Variants in GABRG3 observed in about 807,000 individuals in gnomAD.
GABRG3 encodes gamma-aminobutyric acid receptor subunit gamma-3.
GABRG3 carries 25 observed loss-of-function variants against 48.8 expected under a neutral mutation model. That is an observed-to-expected ratio of 0.51 (90% CI 0.37 to 0.72). The LOEUF (loss-of-function observed/expected upper bound fraction) is 0.72. Ranked by LOEUF, GABRG3 falls within the 30% of genes least tolerant of loss-of-function variation. GABRG3 has a pLI of 0.00. For synonymous variants in GABRG3, 227 were observed against 217.6 expected, an observed-to-expected ratio of 1.04 and a Z score of -0.38; for missense variants, 394 against 577.9, an observed-to-expected ratio of 0.68 and a Z score of 3.26.
At chr15:27,310,542 A>G (rs751651499) in intron 3 of GABRG3, among the ~76,000 whole-genome samples, 1 of 152,172 alleles carries the variant, frequency 6.6e-6, no homozygotes, top group Non-Finnish European at 1.5e-5. Flanking sequence ...AAACAAGACA[A>G]TTATCCATAA....
chr15:27,004,999 C>T (rs1895555026), intron 2 of GABRG3, among the ~76,000 whole-genome samples: 1 of 152,020 alleles, frequency 6.6e-6, no homozygotes, highest in Admixed American at 6.6e-5. Flanking sequence ...ACTGGAAAGG[C>T]AAGAATAGCT....
chr15:27,164,662 A>C (rs1295983140), intron 3 of GABRG3, among the ~76,000 whole-genome samples: 1 of 152,244 alleles, frequency 6.6e-6, no homozygotes, highest in Non-Finnish European at 1.5e-5. Context: ...CAGGGCAGTT[A>C]TCTGTTAGAC....
intron 3 of GABRG3, among the ~76,000 whole-genome samples, chr15:27,060,411 G>A (rs2140722028): frequency 6.6e-6 from 1 of 152,336 alleles, no homozygotes; most frequent in East Asian, 1.9e-4. Context: ...GAAACTGCTG[G>A]TGGCCCCACA....
At chr15:27,235,136 TTTTGTTTTGTCTTAAAAGC>T (rs1407125425) in intron 3 of GABRG3, among the ~76,000 whole-genome samples, 1 of 151,594 alleles carries the variant, frequency 6.6e-6, no homozygotes, top group Non-Finnish European at 1.5e-5. Flanking sequence ...ATGTCCTAGA[TTTTGTTTTGTCTTAAAAGC>T]TTGTTAAAAA....
Position 27,486,462 on chromosome 15 carries a change from A to G in GABRG3, c.712+5675A>G, listed in dbSNP as rs114628343. ...TTCTGTAAGTAATTCTCCAAACTCA[A>G]AAAAAGTATTCTATATATGAAGTTT... On this transcript the variant is annotated intron_variant, in intron 6 of 9. Transcript: ENST00000615808. 3.2e-3 allele frequency among the ~76,000 whole-genome samples: 487 copies of G among 152,350 alleles called. 6 individuals are homozygous for G. The highest frequency in any genetic ancestry group is 0.011 in the African/African-American group (470 of 41,584).
At chr15:27,024,348 T>C (rs1191807931) in intron 2 of GABRG3, among the ~76,000 whole-genome samples, 1 of 152,236 alleles carries the variant, frequency 6.6e-6, no homozygotes, top group Non-Finnish European at 1.5e-5. Context: ...TTGCCTGATG[T>C]TCTGGTGTTA....
At chr15:27,157,734 A>G (rs1390373961) in intron 3 of GABRG3, 1 of 152,240 alleles carries the variant, frequency 6.6e-6, no homozygotes, top group Non-Finnish European at 1.5e-5. Flanking sequence ...ATATCAACGC[A>G]TAAGTGCTCA....
chr15:27,309,757 C>T (rs1471567283), intron 3 of GABRG3, among the ~76,000 whole-genome samples: 1 of 152,050 alleles, frequency 6.6e-6, no homozygotes, highest in Non-Finnish European at 1.5e-5. Flanking sequence ...AACAGTTTGA[C>T]AGTTTCTTAT....
At chr15:27,187,099 A>G (rs1888121954) in intron 3 of GABRG3, among the ~76,000 whole-genome samples, 1 of 152,154 alleles carries the variant, frequency 6.6e-6, no homozygotes, top group African/African-American at 2.4e-5. Context: ...ATTTTTATAT[A>G]TGGTGATAAA....
intron 2 of GABRG3, 39 bp from the exon 3 acceptor site, chr15:27,026,715 C>T (rs370014295): frequency 1.5e-5 from 23 of 1,499,310 alleles, no homozygotes; most frequent in South Asian, 4.8e-5. Context: ...TGTCTTTCTC[C>T]GGCACGAAGT....
At chr15:27,475,894 G>C (rs918063435) in intron 5 of GABRG3, among the ~76,000 whole-genome samples, 1 of 152,048 alleles carries the variant, frequency 6.6e-6, no homozygotes, top group African/African-American at 2.4e-5. Context: ...ATAGTGATGT[G>C]GTGGTGGTGA....
chr15:26,971,599 C>T lies in GABRG3; in HGVS notation c.53+11C>T, dbSNP rs2288694. Reference sequence around the variant, plus strand: ...GGGCTTGCACGCGCGGTAAGTGGCGCGGGGGCCGCATCCCCGGAGGCCCCG... The same window carrying T: ...GGGCTTGCACGCGCGGTAAGTGGCGTGGGGGCCGCATCCCCGGAGGCCCCG... On this transcript the variant is annotated intron_variant, in intron 1 of 9. Transcript: ENST00000615808. 585,066 of 1,524,430 alleles carry T rather than the reference C, an allele frequency of 0.38. 116,694 individuals are homozygous for T. The highest frequency in any genetic ancestry group is 0.42 in the Non-Finnish European group (474,621 of 1,137,044). 94.4% of individuals were successfully genotyped at this position (1,524,430 alleles called of 1,614,324 possible).
At chr15:27,428,093 T>G (rs1888345531) in intron 5 of GABRG3, 1 of 153,092 alleles carries the variant, frequency 6.5e-6, no homozygotes, top group South Asian at 2.0e-4. Context: ...CTTGCTATGT[T>G]GCCCAGGCTG....
chr15:27,442,984 C>T (rs1888836318), intron 5 of GABRG3, among the ~76,000 whole-genome samples: 1 of 152,158 alleles, frequency 6.6e-6, no homozygotes, highest in South Asian at 2.1e-4. Context: ...GCTTGGCCCT[C>T]CCCAAATAAA....
intron 5 of GABRG3, among the ~76,000 whole-genome samples, chr15:27,370,262 G>A (rs4131244): frequency 0.061 from 9,307 of 152,214 alleles, 936 homozygotes; most frequent in African/African-American, 0.21. Flanking sequence ...TTTGAGCTAG[G>A]CATTTAGCAG....
chr15:27,185,605 G>A (rs185876513), intron 3 of GABRG3, among the ~76,000 whole-genome samples: 222 of 152,190 alleles, frequency 1.5e-3, no homozygotes, highest in African/African-American at 5.1e-3. Context: ...TCTGTCTAAT[G>A]GTTCTGTCAG....
At chr15:27,238,339 C>CA (rs1890037744) in intron 3 of GABRG3, among the ~76,000 whole-genome samples, 1 of 152,220 alleles carries the variant, frequency 6.6e-6, no homozygotes, top group African/African-American at 2.4e-5. Flanking sequence ...CAAACTTGCC[C>CA]AGCAGCCTGC....
chr15:27,278,352 G>C (rs1392478980), intron 3 of GABRG3, among the ~76,000 whole-genome samples: 1 of 151,998 alleles, frequency 6.6e-6, no homozygotes, highest in African/African-American at 2.4e-5. Flanking sequence ...GCCTGGCCTC[G>C]GTGCATTTTT....
chr15:27,174,584 G>GTCTCTCTCTCTCTCTCTCTCTCTCTCTC (rs150022606), intron 3 of GABRG3, among the ~76,000 whole-genome samples: 2 of 139,658 alleles, frequency 1.4e-5, no homozygotes, highest in African/African-American at 5.5e-5. Context: ...TCTCTCTCTC[G>GTCTCTCTCTCTCTCTCTCTCTCTCTCTC]TCTCTCTCTC....
Sources: gnomAD v4.1 joint callset for allele counts (sites outside exome capture counted in the v4.1 genomes callset) on GRCh38, gnomAD v4.1.1 for gene constraint, MANE v1.5 for transcripts, NCBI Gene and HGNC (gene_info 2026-07-23, HGNC 2026-07-21) for gene names.